The following PTGER3 variants were observed in gnomAD, a reference collection of about 807,000 sequenced individuals.
The protein encoded by PTGER3 is prostaglandin E2 receptor EP3 subtype.
Under a neutral mutation model 34.7 loss-of-function variants are expected in PTGER3, and 22 were observed. The ratio of observed to expected loss-of-function variants is 0.63; its 90% CI spans 0.45 to 0.91. The LOEUF (loss-of-function observed/expected upper bound fraction) is 0.91. PTGER3 is among the 40% of genes least tolerant of loss of function. The pLI is 0.00. For missense variants in PTGER3, 468 were observed against 519.4 expected (o/e 0.90, Z 0.96); for synonymous variants, 241 against 230.1 (o/e 1.05, Z -0.43).
intron 4 of PTGER3, among the ~76,000 whole-genome samples, chr1:70,892,640 A>C (rs1646641221): frequency 6.6e-6 from 1 of 152,090 alleles, no homozygotes; most frequent in Non-Finnish European, 1.5e-5. Flanking sequence ...CAGGAGTTTG[A>C]GACCAGCCTG....
Position 70,927,798 on chromosome 1 carries a change from A to G in PTGER3, c.*23+25965T>C, listed in dbSNP as rs542615069. Among the ~76,000 whole-genome samples, 166 of 152,242 alleles carry G rather than the reference A, an allele frequency of 1.1e-3. No individual in the cohort carries two copies. In the South Asian group the frequency reaches 0.032, roughly 29 times the overall value. On this transcript the variant is annotated intron_variant, in intron 4 of 4. Coordinates refer to the PTGER3 transcript ENST00000370931. The stretch of plus-strand genomic sequence containing the variant: ...GAAAATATGAAACAGCCAAGTGGCC[A>G]ATGATGTTATCTGTCTCCAGATACA...
At chr1:71,013,062 G>T (rs1301595832) in intron 1 of PTGER3, among the ~76,000 whole-genome samples, 1 of 152,018 alleles carries the variant, frequency 6.6e-6, no homozygotes, top group East Asian at 1.9e-4. Context: ...TTCTGGATGA[G>T]CCAGACTAAT....
intron 4 of PTGER3, among the ~76,000 whole-genome samples, chr1:70,898,874 C>T (rs1646777651): frequency 6.6e-6 from 1 of 152,090 alleles, no homozygotes; most frequent in African/African-American, 2.4e-5. Context: ...TTTCTTATAA[C>T]ATCAAAGTTG....
chr1:71,007,463 C>T (rs1045334761), intron 2 of PTGER3: 8 of 985,256 alleles, frequency 8.1e-6, no homozygotes, highest in Non-Finnish European at 1.2e-6. Context: ...CCTGGCCACT[C>T]AGTAGTACTA....
rs577064927 is a variant in PTGER3, at chr1:70,952,580, G to T, written c.*327C>A. 3.0e-6 allele frequency: 3 copies of T among 1,006,434 alleles called. No individual in the cohort carries two copies. The African/African-American group carries it at 5.2e-5, about 17-fold the overall frequency. 62.3% of individuals were successfully genotyped at this position (1,006,434 alleles called of 1,614,324 possible). A position where few individuals can be genotyped will look rare whatever the true frequency, so the allele number is the denominator to read the frequency against. On this transcript the variant is annotated 3_prime_UTR_variant, in exon 4 of 4. Transcript: ENST00000356595. ...CTGGACCAAATGTTAAAATACTCTT[G>T]CATTTCTTCCAGAGATGCACTGCAT... is the stretch of plus-strand genomic sequence containing the variant.
chr1:71,007,719 A>G, intron 2 of PTGER3: 1 of 985,268 alleles, frequency 1.0e-6, no homozygotes, highest in Non-Finnish European at 1.2e-6. Context: ...GACATGGAAA[A>G]CTGTATGAGA....
Position 71,034,202 on chromosome 1 carries a change from C to T in PTGER3, c.897+12479G>A, listed in dbSNP as rs529664528. On this transcript the variant is annotated intron_variant, in intron 1 of 3. Coordinates refer to ENST00000306666, the MANE Select transcript of PTGER3 (RefSeq NM_198719.2). ...TTTATGTGAGTTATATTAATAACTA[C>T]AAAACAATGATTTATACTAGCAGGG... 3.2e-4 allele frequency among the ~76,000 whole-genome samples: 49 copies of T among 152,100 alleles called. 1 individual carries two copies. The highest frequency in any genetic ancestry group is 1.2e-3 in the African/African-American group (48 of 41,516).
At chr1:70,889,332 A>G (rs1270791913) in intron 4 of PTGER3, among the ~76,000 whole-genome samples, 7 of 149,588 alleles carry the variant, frequency 4.7e-5, no homozygotes, top group East Asian at 2.0e-4. Context: ...GGAGAATGGC[A>G]TGAACCCAGG....
intron 4 of PTGER3, among the ~76,000 whole-genome samples, chr1:70,878,441 G>T (rs1170463731): frequency 6.6e-6 from 1 of 151,834 alleles, no homozygotes; most frequent in Non-Finnish European, 1.5e-5. Flanking sequence ...TTGATCTTTT[G>T]TGTATTTTAT....
At chr1:70,899,242 C>T (rs1480381282) in intron 4 of PTGER3, among the ~76,000 whole-genome samples, 2 of 152,146 alleles carry the variant, frequency 1.3e-5, no homozygotes, top group Non-Finnish European at 2.9e-5. Flanking sequence ...CTACTGTTTA[C>T]TGTCTAGTGG....
chr1:71,032,171 CTCTAG>C (rs889414550), intron 1 of PTGER3, among the ~76,000 whole-genome samples: 10 of 152,110 alleles, frequency 6.6e-5, no homozygotes, highest in Non-Finnish European at 1.3e-4. Flanking sequence ...CTTTTTTCTT[CTCTAG>C]TCATCTCACT....
chr1:70,890,003 T>A (rs1345475720), intron 4 of PTGER3, among the ~76,000 whole-genome samples: 1 of 152,232 alleles, frequency 6.6e-6, no homozygotes, highest in Non-Finnish European at 1.5e-5. Context: ...ACATTAAACA[T>A]GCATAAACAC....
At chr1:70,946,079 C>G (rs574583091) in intron 4 of PTGER3, among the ~76,000 whole-genome samples, 48 of 152,050 alleles carry the variant, frequency 3.2e-4, no homozygotes, top group Non-Finnish European at 4.6e-4. Context: ...TAAGAGGACT[C>G]TTGGGATTGT....
At chr1:70,865,085 A>G (rs1646011375) in intron 4 of PTGER3, among the ~76,000 whole-genome samples, 3 of 147,032 alleles carry the variant, frequency 2.0e-5, no homozygotes, top group Admixed American at 2.0e-4. Context: ...CAAGGCAAGA[A>G]AATATGAAAA....
intron 4 of PTGER3, chr1:70,884,060 C>T: frequency 2.5e-6 from 1 of 404,444 alleles, no homozygotes; most frequent in Non-Finnish European, 4.9e-6. Context: ...GCACTCCAGT[C>T]TGGGTGAGAG....
At position 70,961,179 on chromosome 1, in the gene PTGER3, T is replaced by C. The variant is rs144444828; in HGVS notation, c.1078-7390A>G. Among the ~76,000 whole-genome samples, 5 of 152,232 alleles carry C rather than the reference T, an allele frequency of 3.3e-5. 1 individual carries two copies. The highest frequency in any genetic ancestry group is 1.2e-4 in the African/African-American group (5 of 41,452). The stretch of plus-strand genomic sequence containing the variant: ...AAAAAATGCAAAATCCTCGGCCCCA[T>C]GCCAGACTTTCTGACTCAACCTCCA... On this transcript the variant is annotated intron_variant, in intron 2 of 3. Transcript: ENST00000356595.
intron 2 of PTGER3, chr1:71,010,012 C>A (rs1273548217): frequency 2.0e-6 from 2 of 984,898 alleles, no homozygotes; most frequent in Non-Finnish European, 2.4e-6. Flanking sequence ...TACATAATTT[C>A]TTTGTTTTCC....
At chr1:70,935,907 A>G (rs1649180120) in intron 4 of PTGER3, among the ~76,000 whole-genome samples, 2 of 152,060 alleles carry the variant, frequency 1.3e-5, no homozygotes, top group Non-Finnish European at 2.9e-5. Context: ...GGAAAAGGGA[A>G]TAGCAGGAAA....
chr1:70,996,282 T>A (rs1362906190), intron 2 of PTGER3, among the ~76,000 whole-genome samples: 1 of 152,094 alleles, frequency 6.6e-6, no homozygotes, highest in Non-Finnish European at 1.5e-5. Context: ...TAAGTAGTAA[T>A]TAGGCTTGAC....
Sources: gnomAD v4.1 joint callset for allele counts (sites outside exome capture counted in the v4.1 genomes callset) on GRCh38, gnomAD v4.1.1 for gene constraint, MANE v1.5 for transcripts, NCBI Gene and HGNC (gene_info 2026-07-23, HGNC 2026-07-21) for gene names.